SMIM41: variants seen among roughly 807,000 people sequenced by gnomAD.
SMIM41 encodes small integral membrane protein 41.
intron 2 of SMIM41, among the ~76,000 whole-genome samples, chr12:52,095,281 CT>C (rs1218811661): frequency 3.3e-5 from 5 of 151,938 alleles, no homozygotes; most frequent in African/African-American, 1.2e-4. Context: ...CATCTCCCCC[CT>C]CTCCCCCACT....
intron 2 of SMIM41, among the ~76,000 whole-genome samples, chr12:52,103,986 C>G (rs1169337132): frequency 2.0e-5 from 3 of 152,134 alleles, no homozygotes; most frequent in Non-Finnish European, 4.4e-5. Context: ...TGTCATTAAA[C>G]TGTAAACTGA....
At chr12:52,082,959 G>A (rs1200514132) in intron 1 of SMIM41, among the ~76,000 whole-genome samples, 2 of 152,156 alleles carry the variant, frequency 1.3e-5, no homozygotes, top group Non-Finnish European at 2.9e-5. Flanking sequence ...GCAGATGACA[G>A]ACTGGGAGAT....
At chr12:52,097,769 G>C (rs1280416260) in intron 2 of SMIM41, among the ~76,000 whole-genome samples, 2 of 152,002 alleles carry the variant, frequency 1.3e-5, no homozygotes, top group African/African-American at 4.8e-5. Flanking sequence ...ACACTTTGAC[G>C]ATATTGGGAG....
chr12:52,080,607 C>T (rs1939804148), intron 1 of SMIM41, among the ~76,000 whole-genome samples: 1 of 152,208 alleles, frequency 6.6e-6, no homozygotes, highest in Non-Finnish European at 1.5e-5. Flanking sequence ...GCCCCAGCCC[C>T]TATAGGTCCT....
chr12:52,093,095 G>A (rs1940031949), intron 2 of SMIM41, among the ~76,000 whole-genome samples: 1 of 152,138 alleles, frequency 6.6e-6, no homozygotes, highest in Non-Finnish European at 1.5e-5. Context: ...CTACTCGAGA[G>A]GTTGAGGCAG....
At chr12:52,089,565 C>G (rs1016807485) in intron 2 of SMIM41, among the ~76,000 whole-genome samples, 4 of 152,032 alleles carry the variant, frequency 2.6e-5, no homozygotes, top group African/African-American at 7.2e-5. Context: ...TGCACTCCAA[C>G]CCGGGCAACA....
At chr12:52,089,944 G>C (rs376503989) in intron 2 of SMIM41, among the ~76,000 whole-genome samples, 8 of 152,326 alleles carry the variant, frequency 5.3e-5, no homozygotes, top group African/African-American at 1.7e-4. Context: ...TCTTTTTTGG[G>C]GGGGACACAG....
chr12:52,086,778 T>C (rs1379840003), intron 2 of SMIM41, among the ~76,000 whole-genome samples: 1 of 152,196 alleles, frequency 6.6e-6, no homozygotes, highest in Non-Finnish European at 1.5e-5. Context: ...TACCTCTGCT[T>C]CCTCCCGGAC....
At chr12:52,095,273 T>A (rs1421423918) in intron 2 of SMIM41, among the ~76,000 whole-genome samples, 1 of 150,774 alleles carries the variant, frequency 6.6e-6, no homozygotes, top group Admixed American at 6.6e-5. Context: ...GGGAGTAACA[T>A]CTCCCCCCTC....
rs371710505 is a variant in SMIM41, at chr12:52,100,170, A to T, written c.*196-7209A>T. ...GTAATATCATTCTTTTCCTCTCTGG[A>T]TATCAGGAACAATATCACAGGGGTA... On this transcript the variant is annotated intron_variant, in intron 2 of 2. Transcript: ENST00000546390. 5.9e-5 allele frequency among the ~76,000 whole-genome samples: 9 copies of T among 152,120 alleles called. No individual in the cohort carries two copies. In the East Asian group the frequency reaches 1.7e-3, roughly 29 times the overall value.
intron 2 of SMIM41, among the ~76,000 whole-genome samples, chr12:52,089,311 G>A (rs915575686): frequency 6.6e-6 from 1 of 152,034 alleles, no homozygotes; most frequent in African/African-American, 2.4e-5. Flanking sequence ...AACCTGTAGG[G>A]GGGTCGGGTG....
chr12:52,086,378 C>T (rs181089591), intron 2 of SMIM41, among the ~76,000 whole-genome samples: 30 of 152,244 alleles, frequency 2.0e-4, no homozygotes, highest in Middle Eastern at 3.4e-3. Context: ...TCTGGTTCTG[C>T]GAGCCCACTG....
chr12:52,100,753 G>A (rs1193406382), intron 2 of SMIM41, among the ~76,000 whole-genome samples: 5 of 151,468 alleles, frequency 3.3e-5, no homozygotes, highest in Non-Finnish European at 4.4e-5. Context: ...GATTACAGGC[G>A]TGAGTGACCG....
intron 2 of SMIM41, among the ~76,000 whole-genome samples, chr12:52,101,198 G>A (rs1357864837): frequency 6.6e-6 from 1 of 152,138 alleles, no homozygotes; most frequent in Non-Finnish European, 1.5e-5. Context: ...CGAGTCACAC[G>A]GATCACTTGA....
In SMIM41 at chr12:52,097,382, G is replaced by A. The variant is rs1940118689; in HGVS notation, c.*196-9997G>A. ...CGGATATTACGAGCCACATTGCAGG[G>A]GGGTGGACACCCCCAGTGATGCAGG... On this transcript the variant is annotated intron_variant, in intron 2 of 2. Coordinates refer to ENST00000546390, the MANE Select transcript of SMIM41 (RefSeq NM_001369216.1). Among the ~76,000 whole-genome samples the A allele has an allele frequency of 2.6e-5, 4 of 152,036 alleles. No individual in the cohort carries two copies. The South Asian group carries it at 8.3e-4, about 32-fold the overall frequency.
At chr12:52,092,715 A>C (rs1386691225) in intron 2 of SMIM41, 1 of 152,248 alleles carries the variant, frequency 6.6e-6, no homozygotes, top group Non-Finnish European at 1.5e-5. Context: ...TTAGAAAAAA[A>C]CAAAACCAAA....
chr12:52,095,081 G>A (rs530889230), intron 2 of SMIM41, among the ~76,000 whole-genome samples: 1 of 152,080 alleles, frequency 6.6e-6, no homozygotes, highest in South Asian at 2.1e-4. Flanking sequence ...GAGTATCTGG[G>A]ACTACAGGCA....
chr12:52,102,101 A>G (rs1427669502), intron 2 of SMIM41, among the ~76,000 whole-genome samples: 1 of 152,228 alleles, frequency 6.6e-6, no homozygotes, highest in Non-Finnish European at 1.5e-5. Flanking sequence ...AGTGATTTTT[A>G]ACATGAGTGC....
chr12:52,107,661 G>T lies in SMIM41; in HGVS notation c.*478G>T, dbSNP rs1225476365. 2.2e-5 allele frequency: 12 copies of T among 535,314 alleles called. No homozygotes were observed. The Admixed American group carries it at 2.6e-4, about 12-fold the overall frequency. 33.2% of individuals were successfully genotyped at this position (535,314 alleles called of 1,614,324 possible). On this transcript the variant is annotated 3_prime_UTR_variant, in exon 3 of 3. Coordinates refer to ENST00000546390, the MANE Select transcript of SMIM41 (RefSeq NM_001369216.1). ...TCTCTTTGCCATTTTTGGAGGCACG[G>T]AAGAGAGACATGCTCCTGAGTGTGA...
Sources: gnomAD v4.1 joint callset for allele counts (sites outside exome capture counted in the v4.1 genomes callset) on GRCh38, gnomAD v4.1.1 for gene constraint, MANE v1.5 for transcripts, NCBI Gene and HGNC (gene_info 2026-07-23, HGNC 2026-07-21) for gene names.